Variants in BICD1 observed in about 807,000 individuals in gnomAD.
BICD1 encodes the protein protein bicaudal D homolog 1.
In BICD1, 35 loss-of-function variants were observed where a neutral mutation model predicts 92.5. The observed-to-expected ratio is 0.38, with a 90% confidence interval of 0.29 to 0.50. The LOEUF is 0.50. BICD1 is among the 20% of genes least tolerant of loss of function. BICD1 has a pLI of 0.93. For synonymous variants in BICD1, 429 were observed against 465.1 expected (o/e 0.92, Z 1.00); for missense variants, 950 against 1,189.8 (o/e 0.80, Z 2.97).
intron 3 of BICD1, among the ~76,000 whole-genome samples, chr12:32,296,692 A>G (rs188388168): frequency 3.3e-5 from 5 of 152,154 alleles, no homozygotes; most frequent in African/African-American, 9.7e-5. Context: ...ACTGCTCTCT[A>G]GAGCATGGTG....
At chr12:32,230,442 A>G (rs1242499412) in intron 2 of BICD1, among the ~76,000 whole-genome samples, 8 of 23,542 alleles carry the variant, frequency 3.4e-4, no homozygotes, top group South Asian at 2.8e-3. Flanking sequence ...AAATAAATAA[A>G]TAAGCAAGCA....
chr12:32,374,610 C>G (rs1307392559), intron 9 of BICD1, among the ~76,000 whole-genome samples: 1 of 148,676 alleles, frequency 6.7e-6, no homozygotes, highest in Non-Finnish European at 1.5e-5. Flanking sequence ...TCTTGTTACC[C>G]AGGCTGGAGT....
At chr12:32,239,759 C>T (rs1032642991) in intron 2 of BICD1, among the ~76,000 whole-genome samples, 3 of 151,548 alleles carry the variant, frequency 2.0e-5, no homozygotes, top group Admixed American at 6.6e-5. Context: ...CAGGCATGCA[C>T]CACCACACCC....
Position 32,295,895 on chromosome 12 carries a change from C to T in BICD1, c.579+1749C>T, listed in dbSNP as rs373484557. On this transcript the variant is annotated intron_variant, in intron 3 of 9. Coordinates refer to ENST00000652176, the MANE Select transcript of BICD1 (RefSeq NM_001714.4). ...CTTGAACTCCTGAGCTCAAGTGATCCGTCCACCTCAGCCTCCCAAAGTGCT... is the reference window on the plus strand; with the variant it reads ...CTTGAACTCCTGAGCTCAAGTGATCTGTCCACCTCAGCCTCCCAAAGTGCT... Among the ~76,000 whole-genome samples the T allele has an allele frequency of 1.7e-3, 262 of 152,226 alleles. 2 individuals are homozygous for T. Among genetic ancestry groups the T allele is most frequent in the African/African-American group, 6.0e-3 (251 of 41,536 alleles).
chr12:32,236,062 T>C (rs1946062919), intron 2 of BICD1, among the ~76,000 whole-genome samples: 1 of 151,952 alleles, frequency 6.6e-6, no homozygotes, highest in Non-Finnish European at 1.5e-5. Flanking sequence ...GGTGTTACTA[T>C]TGTAATTGTT....
intron 1 of BICD1, among the ~76,000 whole-genome samples, chr12:32,117,756 A>AT (rs1401761768): frequency 0.09 from 9,645 of 107,366 alleles, 471 homozygotes; most frequent in Middle Eastern, 0.16. Flanking sequence ...ATATATATAT[A>AT]TATTTTTTTT....
intron 2 of BICD1, among the ~76,000 whole-genome samples, chr12:32,240,801 AT>A (rs1358566752): frequency 6.6e-6 from 1 of 152,236 alleles, no homozygotes; most frequent in African/African-American, 2.4e-5. Flanking sequence ...AGAGTAAAAG[AT>A]AATAAATATG....
chr12:32,219,102 A>G (rs78263900), intron 2 of BICD1, among the ~76,000 whole-genome samples: 1,667 of 152,312 alleles, frequency 0.011, 32 homozygotes, highest in African/African-American at 0.038. Flanking sequence ...CAGTTATGAC[A>G]TGATGGACCA....
At chr12:32,340,734 G>A (rs1938335100) in intron 8 of BICD1, 1 of 182,348 alleles carries the variant, frequency 5.5e-6, no homozygotes, top group South Asian at 1.9e-4. Context: ...ATCTAGTCTT[G>A]TTTTTATTTG....
intron 2 of BICD1, among the ~76,000 whole-genome samples, chr12:32,224,320 C>T (rs1357022383): frequency 2.6e-5 from 4 of 152,230 alleles, no homozygotes; most frequent in Non-Finnish European, 5.9e-5. Context: ...AACTGATTTA[C>T]ATAACTGATA....
intron 1 of BICD1, among the ~76,000 whole-genome samples, chr12:32,124,062 A>G (rs1448446313): frequency 6.6e-6 from 1 of 152,194 alleles, no homozygotes; most frequent in Non-Finnish European, 1.5e-5. Flanking sequence ...TTTATTCTCC[A>G]TAATGCGAGC....
At chr12:32,129,488 A>G (rs61926887) in intron 1 of BICD1, among the ~76,000 whole-genome samples, 42,269 of 146,494 alleles carry the variant, frequency 0.29, 6,296 homozygotes, top group Admixed American at 0.44. Flanking sequence ...TGGCGCAACT[A>G]TACTCCAGCC....
chr12:32,165,450 A>T (rs1275484070), intron 1 of BICD1, among the ~76,000 whole-genome samples: 2 of 152,076 alleles, frequency 1.3e-5, no homozygotes, highest in African/African-American at 4.8e-5. Flanking sequence ...CGGGAGGCGG[A>T]GCTTGCAGTG....
intron 2 of BICD1, among the ~76,000 whole-genome samples, chr12:32,274,736 G>A (rs1005005397): frequency 6.6e-6 from 1 of 152,042 alleles, no homozygotes; most frequent in African/African-American, 2.4e-5. Flanking sequence ...CGTTAATAAG[G>A]CATTTTTAGA....
At chr12:32,273,740 C>T (rs994008522) in intron 2 of BICD1, among the ~76,000 whole-genome samples, 3 of 152,162 alleles carry the variant, frequency 2.0e-5, no homozygotes, top group Non-Finnish European at 4.4e-5. Context: ...CAGCTAAAAC[C>T]GGGTTCTTGT....
intron 1 of BICD1, among the ~76,000 whole-genome samples, chr12:32,177,682 A>ATTCTTTTTT (rs766041969): frequency 4.6e-5 from 2 of 43,038 alleles, no homozygotes; most frequent in Admixed American, 3.3e-4. Flanking sequence ...AAGAAAACAC[A>ATTCTTTTTT]TTATTAAAGT....
chr12:32,218,763 C>G (rs1354092789), intron 2 of BICD1, among the ~76,000 whole-genome samples: 4 of 152,086 alleles, frequency 2.6e-5, no homozygotes, highest in African/African-American at 9.7e-5. Context: ...TCTTTGTCTT[C>G]TATGTGTGCC....
At chr12:32,212,924 A>C (rs1199610504) in intron 1 of BICD1, among the ~76,000 whole-genome samples, 1 of 152,168 alleles carries the variant, frequency 6.6e-6, no homozygotes, top group East Asian at 1.9e-4. Context: ...TTTTGTTTGA[A>C]ATAACAAAAC....
At chr12:32,329,413 A>G (rs1487796231) in intron 5 of BICD1, among the ~76,000 whole-genome samples, 1 of 152,194 alleles carries the variant, frequency 6.6e-6, no homozygotes, top group African/African-American at 2.4e-5. Flanking sequence ...AGCAAGATTA[A>G]AAGGAGTGTT....
Sources: allele counts gnomAD v4.1 joint callset (sites outside exome capture counted in the v4.1 genomes callset), GRCh38; gene constraint gnomAD v4.1.1; transcripts MANE v1.5; gene names NCBI Gene and HGNC (gene_info 2026-07-23, HGNC 2026-07-21).